Variants in XIRP2 observed in about 807,000 individuals in gnomAD.
XIRP2 encodes xin actin-binding repeat-containing protein 2.
In XIRP2, 236 loss-of-function variants were observed where a neutral mutation model predicts 277.0. The ratio of observed to expected loss-of-function variants is 0.85; its 90% CI spans 0.77 to 0.95. The LOEUF (loss-of-function observed/expected upper bound fraction) is 0.95. XIRP2 is among the 40% of genes least tolerant of loss of function. XIRP2 has a pLI of 0.00. For synonymous variants in XIRP2, 1,490 were observed against 1,416.5 expected (o/e 1.05, Z -1.17); for missense variants, 4,640 against 4,157.5 (o/e 1.12, Z -3.19).
At position 166,903,883 on chromosome 2, in the gene XIRP2, G is replaced by T; in HGVS notation, c.401G>T (p.Gly134Val). The T allele has an allele frequency of 6.2e-7, 1 of 1,612,074 alleles. No homozygotes were observed. The highest frequency in any genetic ancestry group is 8.5e-7 in the Non-Finnish European group (1 of 1,178,562). ...PKSGNKPAEY[G>V]GKEVEIERSL... ...AGTGGAAACAAACCAGCTGAGTACGGTGGAAAGGTAAGGAGCCATTGATTG... is the reference window on the plus strand; with the variant it reads ...AGTGGAAACAAACCAGCTGAGTACGTTGGAAAGGTAAGGAGCCATTGATTG... Residue 134 changes from glycine (G) to valine (V), a missense_variant, in exon 2 of 11, where the codon GGT becomes GTT. Transcript: ENST00000409195.
At chr2:167,047,784 A>C (rs145030507) in intron 2 of XIRP2, among the ~76,000 whole-genome samples, 1 of 152,056 alleles carries the variant, frequency 6.6e-6, no homozygotes, top group African/African-American at 2.4e-5. Flanking sequence ...AACTATTGTG[A>C]ATATAATTAC....
intron 2 of XIRP2, among the ~76,000 whole-genome samples, chr2:167,026,452 G>T (rs567710836): frequency 4.3e-4 from 66 of 152,056 alleles, no homozygotes; most frequent in Non-Finnish European, 6.8e-4. Context: ...TTATCCCATT[G>T]ATATTTAAAG....
intron 2 of XIRP2, among the ~76,000 whole-genome samples, chr2:167,068,244 A>C (rs1689349122): frequency 6.6e-6 from 1 of 152,028 alleles, no homozygotes; most frequent in Admixed American, 6.5e-5. Context: ...TTCTGTGGAA[A>C]ACAAACAAAA....
intron 2 of XIRP2, among the ~76,000 whole-genome samples, chr2:167,082,730 A>C (rs1162873768): frequency 6.6e-6 from 1 of 152,208 alleles, no homozygotes; most frequent in Non-Finnish European, 1.5e-5. Context: ...TTTTGGCTGC[A>C]TAAATGTCTT....
At chr2:167,225,689 A>G (rs928165253) in intron 5 of XIRP2, among the ~76,000 whole-genome samples, 1 of 152,174 alleles carries the variant, frequency 6.6e-6, no homozygotes, top group Non-Finnish European at 1.5e-5. Flanking sequence ...AAGAACAAAA[A>G]CAGCACAAAC....
intron 5 of XIRP2, among the ~76,000 whole-genome samples, chr2:167,238,627 C>T (rs1173621276): frequency 1.3e-5 from 2 of 151,998 alleles, no homozygotes; most frequent in Admixed American, 6.6e-5. Flanking sequence ...CTGCAAAAAA[C>T]GTTTTAGTAT....
chr2:167,005,681 T>G (rs1166434091), intron 2 of XIRP2, among the ~76,000 whole-genome samples: 1 of 151,764 alleles, frequency 6.6e-6, no homozygotes, highest in East Asian at 1.9e-4. Context: ...ACCCAGAGGT[T>G]AGCATGGAGC....
At chr2:166,978,362 A>G (rs528848441) in intron 2 of XIRP2, among the ~76,000 whole-genome samples, 12 of 152,320 alleles carry the variant, frequency 7.9e-5, no homozygotes, top group Admixed American at 2.0e-4. Context: ...GAATATTACA[A>G]TTCCATAGAA....
chr2:166,942,456 A>G (rs1685745623), intron 2 of XIRP2, among the ~76,000 whole-genome samples: 1 of 152,200 alleles, frequency 6.6e-6, no homozygotes, highest in African/African-American at 2.4e-5. Flanking sequence ...ATATAGGCAA[A>G]ATGAGGTCAT....
At chr2:166,928,965 C>T (rs1685258053) in intron 2 of XIRP2, among the ~76,000 whole-genome samples, 2 of 151,982 alleles carry the variant, frequency 1.3e-5, no homozygotes, top group Admixed American at 6.6e-5. Flanking sequence ...TTCAGTGTAA[C>T]AAAGAATGAA....
intron 3 of XIRP2, among the ~76,000 whole-genome samples, chr2:167,202,436 A>C (rs1693746300): frequency 1.3e-5 from 2 of 152,260 alleles, no homozygotes; most frequent in Non-Finnish European, 2.9e-5. Context: ...GACACAGGAC[A>C]TGTCTATAGA....
At chr2:167,132,551 T>TACACACACACACACACACACAC (rs1691412341) in intron 2 of XIRP2, among the ~76,000 whole-genome samples, 1 of 118,790 alleles carries the variant, frequency 8.4e-6, no homozygotes, top group African/African-American at 3.8e-5. Flanking sequence ...CACACACACT[T>TACACACACACACACACACACAC]AAAAACATTC....
chr2:167,250,237 A>G lies in XIRP2; in HGVS notation c.8845A>G (p.Arg2949Gly). 6.2e-7 allele frequency: 1 copy of G among 1,613,344 alleles called. No individual in the cohort carries two copies. Among genetic ancestry groups the G allele is most frequent in the Non-Finnish European group, 8.5e-7 (1 of 1,179,644 alleles). Residue 2949 changes from arginine to glycine, a missense_variant, in exon 9 of 11, where the codon AGA (arginine) becomes GGA (glycine). Transcript: ENST00000409195. ...KGALNIVEFL[R>G]KREELQQILS... ...TGCCTTAAATATAGTGGAATTCTTG[A>G]GAAAACGTGAAGAACTGCAACAGAT...
At chr2:167,126,825 C>A (rs1691219945) in intron 2 of XIRP2, among the ~76,000 whole-genome samples, 1 of 152,178 alleles carries the variant, frequency 6.6e-6, no homozygotes, top group African/African-American at 2.4e-5. Context: ...GTGAACCTCA[C>A]TGTCAGCATC....
intron 2 of XIRP2, among the ~76,000 whole-genome samples, chr2:166,946,447 G>A (rs1057502508): frequency 6.6e-6 from 1 of 152,090 alleles, no homozygotes; most frequent in Non-Finnish European, 1.5e-5. Context: ...TACTCTGATT[G>A]TTTGAGTTGT....
chr2:166,897,218 C>T (rs905031312), intron 1 of XIRP2, among the ~76,000 whole-genome samples: 2 of 152,182 alleles, frequency 1.3e-5, no homozygotes, highest in African/African-American at 4.8e-5. Flanking sequence ...TATTAGGCTT[C>T]TTAAACTTAT....
intron 3 of XIRP2, among the ~76,000 whole-genome samples, chr2:167,143,257 A>T (rs1473780395): frequency 6.6e-6 from 1 of 152,198 alleles, no homozygotes; most frequent in South Asian, 2.1e-4. Context: ...TGGCAGGTTC[A>T]TAAACAGATG....
At chr2:167,037,099 A>G (rs1403641807) in intron 2 of XIRP2, among the ~76,000 whole-genome samples, 1 of 152,204 alleles carries the variant, frequency 6.6e-6, no homozygotes, top group Admixed American at 6.5e-5. Flanking sequence ...CCCCAATTCA[A>G]TAATAGCTGG....
At chr2:166,952,595 T>A (rs1405311176) in intron 2 of XIRP2, among the ~76,000 whole-genome samples, 3 of 152,014 alleles carry the variant, frequency 2.0e-5, no homozygotes, top group Non-Finnish European at 2.9e-5. Flanking sequence ...TTAATATTAA[T>A]AATCCCACAC....
Sources: allele counts gnomAD v4.1 joint callset (sites outside exome capture counted in the v4.1 genomes callset), GRCh38; gene constraint gnomAD v4.1.1; transcripts MANE v1.5; gene names NCBI Gene and HGNC (gene_info 2026-07-23, HGNC 2026-07-21).